SUGCT: variants seen among roughly 807,000 people sequenced by gnomAD.
The protein encoded by SUGCT is succinyl-CoA:glutarate-CoA transferase, also known as succinyl-CoA:glutarate CoA-transferase.
Under a neutral mutation model 55.0 loss-of-function variants are expected in SUGCT, and 41 were observed. The observed-to-expected ratio is 0.74, with a 90% CI of 0.58 to 0.97. SUGCT has a LOEUF of 0.97. Ranked by LOEUF, SUGCT falls within the 50% of genes least tolerant of loss-of-function variation. The pLI, the probability that SUGCT is intolerant of heterozygous loss-of-function variation, is 0.00. For missense variants in SUGCT, 568 were observed against 547.8 expected (o/e 1.04, Z -0.37); for synonymous variants, 187 against 200.4 (o/e 0.93, Z 0.56).
chr7:40,277,665 T>C (rs993034860), intron 8 of SUGCT, among the ~76,000 whole-genome samples: 20 of 109,754 alleles, frequency 1.8e-4, no homozygotes, highest in Admixed American at 2.1e-4. Flanking sequence ...TAACAGATAA[T>C]TTGTTCTTTT....
intron 9 of SUGCT, among the ~76,000 whole-genome samples, chr7:40,342,125 A>C (rs1797081721): frequency 6.6e-6 from 1 of 152,182 alleles, no homozygotes; most frequent in Non-Finnish European, 1.5e-5. Context: ...GAAGCCCCTG[A>C]GAAAGTCTAT....
At chr7:40,205,513 T>C (rs1562575673) in intron 6 of SUGCT, among the ~76,000 whole-genome samples, 1 of 151,438 alleles carries the variant, frequency 6.6e-6, no homozygotes, top group Non-Finnish European at 1.5e-5. Context: ...TGGTGGTGCA[T>C]GCCTGTAATG....
At chr7:40,272,471 G>A (rs1049338308) in intron 7 of SUGCT, among the ~76,000 whole-genome samples, 6 of 150,134 alleles carry the variant, frequency 4.0e-5, no homozygotes, top group Non-Finnish European at 5.9e-5. Flanking sequence ...GCCACTGTGC[G>A]TGAACACATT....
rs558785293 is a variant in SUGCT at position 40,323,882 on chromosome 7, G to A, written c.816+7027G>A. Among the ~76,000 whole-genome samples, 4 of 152,066 alleles carry A rather than the reference G, an allele frequency of 2.6e-5. No homozygotes were observed. In the South Asian group the frequency reaches 6.2e-4, roughly 24 times the overall value. ...GGCCATCTCTCTCAAGTGGCCCCTC[G>A]GGCTTACCCAGAAATCCTGCCACCT... On this transcript the variant is annotated intron_variant, in intron 9 of 13. Coordinates refer to ENST00000335693, the MANE Select transcript of SUGCT (RefSeq NM_001193313.2).
chr7:40,616,793 G>A (rs1235339697), intron 12 of SUGCT, among the ~76,000 whole-genome samples: 1 of 152,210 alleles, frequency 6.6e-6, no homozygotes, highest in Non-Finnish European at 1.5e-5. Context: ...TGCCCTCCAA[G>A]GGGAATGGAG....
At chr7:40,421,420 G>A (rs531498598) in intron 9 of SUGCT, among the ~76,000 whole-genome samples, 9 of 152,218 alleles carry the variant, frequency 5.9e-5, no homozygotes, top group South Asian at 2.1e-4. Flanking sequence ...TGACTCCTGC[G>A]TCCTGGACAG....
At chr7:41,007,432 T>C in the SUGCT span, among the ~76,000 whole-genome samples, 63 of 152,300 alleles carry the variant, frequency 4.1e-4, no homozygotes, top group African/African-American at 1.5e-3. Flanking sequence ...CCCAAGAATA[T>C]ACTCAGCACG....
chr7:40,282,324 C>T (rs774718897), intron 8 of SUGCT, among the ~76,000 whole-genome samples: 12 of 151,936 alleles, frequency 7.9e-5, no homozygotes, highest in East Asian at 5.9e-4. Context: ...AAAAATTAGC[C>T]GGGCATGGTG....
At chr7:40,531,602 C>A (rs1794091505) in intron 12 of SUGCT, among the ~76,000 whole-genome samples, 1 of 124,908 alleles carries the variant, frequency 8.0e-6, no homozygotes, top group Admixed American at 7.1e-5. Flanking sequence ...TCCTATCTAT[C>A]TTCACAGCCA....
intron 13 of SUGCT, among the ~76,000 whole-genome samples, chr7:40,767,573 TGGCCTACCTC>T (rs966783443): frequency 6.6e-6 from 1 of 152,106 alleles, no homozygotes; most frequent in Non-Finnish European, 1.5e-5. Flanking sequence ...TGGCAGAGGA[TGGCCTACCTC>T]TGGGCAATGG....
the SUGCT span, among the ~76,000 whole-genome samples, chr7:40,942,966 A>AT: frequency 2.0e-5 from 3 of 151,380 alleles, no homozygotes; most frequent in Non-Finnish European, 2.9e-5. Flanking sequence ...CATATCCTGA[A>AT]TTTTTTTTAC....
At chr7:40,395,763 G>T (rs1562745034) in intron 9 of SUGCT, among the ~76,000 whole-genome samples, 1 of 152,050 alleles carries the variant, frequency 6.6e-6, no homozygotes, top group Non-Finnish European at 1.5e-5. Context: ...TGTCATCCAG[G>T]TGTTCTGAGT....
At chr7:40,506,602 C>A (rs1792612569) in intron 12 of SUGCT, among the ~76,000 whole-genome samples, 1 of 152,082 alleles carries the variant, frequency 6.6e-6, no homozygotes. Context: ...GAATAGTTTT[C>A]AGCCATTTTT....
At chr7:40,655,525 A>C (rs758976130) in intron 12 of SUGCT, among the ~76,000 whole-genome samples, 2 of 152,138 alleles carry the variant, frequency 1.3e-5, no homozygotes, top group Non-Finnish European at 2.9e-5. Flanking sequence ...TACTTTGCAA[A>C]CTTGTCCACT....
chr7:40,628,207 A>T (rs1442138051), intron 12 of SUGCT, among the ~76,000 whole-genome samples: 2 of 152,160 alleles, frequency 1.3e-5, no homozygotes, highest in East Asian at 3.9e-4. Flanking sequence ...AATAACCTAA[A>T]CTTTCCACTG....
intron 12 of SUGCT, among the ~76,000 whole-genome samples, chr7:40,500,406 T>C (rs1426477507): frequency 6.6e-6 from 1 of 152,200 alleles, no homozygotes; most frequent in Non-Finnish European, 1.5e-5. Context: ...TTTTAACTAG[T>C]GCCAAACACC....
chr7:40,465,992 C>T (rs979110038), intron 11 of SUGCT, among the ~76,000 whole-genome samples: 1 of 152,152 alleles, frequency 6.6e-6, no homozygotes, highest in Non-Finnish European at 1.5e-5. Flanking sequence ...CGTAATCCTC[C>T]TGCTTCAGTC....
chr7:40,446,489 A>G lies in SUGCT; in HGVS notation c.817-2798A>G, dbSNP rs932152072. On this transcript the variant is annotated intron_variant, in intron 9 of 13. Transcript: ENST00000335693. ...TTCTGTAGTTGAGAAACACTAATGCATTGTCTATGACACTAACTTTACTTT... is the reference window on the plus strand; with the variant it reads ...TTCTGTAGTTGAGAAACACTAATGCGTTGTCTATGACACTAACTTTACTTT... Among the ~76,000 whole-genome samples the G allele has an allele frequency of 5.3e-5, 8 of 152,300 alleles. No individual in the cohort carries two copies. The East Asian group carries it at 1.5e-3, about 29-fold the overall frequency.
intron 9 of SUGCT, among the ~76,000 whole-genome samples, chr7:40,370,178 A>G (rs1172762410): frequency 1.3e-5 from 2 of 152,168 alleles, no homozygotes; most frequent in African/African-American, 2.4e-5. Flanking sequence ...ACTTTCTACT[A>G]AAGTTGTCTC....
Sources: gnomAD v4.1 joint callset for allele counts (sites outside exome capture counted in the v4.1 genomes callset) on GRCh38, gnomAD v4.1.1 for gene constraint, MANE v1.5 for transcripts, NCBI Gene and HGNC (gene_info 2026-07-23, HGNC 2026-07-21) for gene names.